PDE1A: variants seen among roughly 807,000 people sequenced by gnomAD.
PDE1A encodes dual specificity calcium/calmodulin-dependent 3',5'-cyclic nucleotide phosphodiesterase 1A.
A neutral mutation model predicts 61.7 loss-of-function variants in PDE1A; 35 were observed. That is an observed-to-expected ratio of 0.57 (90% CI 0.43 to 0.75). The LOEUF is 0.75. PDE1A is among the 30% of genes least tolerant of loss of function. The pLI is 0.00. For synonymous variants in PDE1A, 232 were observed against 213.2 expected (o/e 1.09, Z -0.77); for missense variants, 597 against 630.6 (o/e 0.95, Z 0.57).
chr2:182,447,379 C>A (rs924982970), intron 2 of PDE1A, among the ~76,000 whole-genome samples: 1 of 152,014 alleles, frequency 6.6e-6, no homozygotes, highest in Non-Finnish European at 1.5e-5. Flanking sequence ...CCTCTACTTC[C>A]CATTCTTGCC....
intron 7 of PDE1A, among the ~76,000 whole-genome samples, chr2:182,212,584 C>A (rs1049319596): frequency 1.3e-5 from 2 of 152,184 alleles, no homozygotes; most frequent in Non-Finnish European, 2.9e-5. Flanking sequence ...CGAAGCAGGG[C>A]GAGGCATTGC....
At chr2:182,221,620 A>G (rs1169328365) in intron 7 of PDE1A, among the ~76,000 whole-genome samples, 1 of 152,040 alleles carries the variant, frequency 6.6e-6, no homozygotes, top group African/African-American at 2.4e-5. Flanking sequence ...AGGGACAGAC[A>G]GAATGCCCTC....
Position 182,353,157 on chromosome 2 carries a change from A to G in PDE1A, c.53+73421T>C, listed in dbSNP as rs192845765. Among the ~76,000 whole-genome samples, 12 of 152,326 alleles carry G rather than the reference A, an allele frequency of 7.9e-5. No homozygotes were observed. In the East Asian group the frequency reaches 2.3e-3, roughly 29 times the overall value. Reference sequence around the variant, plus strand: ...CAGACACTTGCTCATGGCAAAGTAGACAGGCCCAGTAAGTGAAATTATGTT... The same window carrying G: ...CAGACACTTGCTCATGGCAAAGTAGGCAGGCCCAGTAAGTGAAATTATGTT... On this transcript the variant is annotated intron_variant, in intron 1 of 13. Transcript: ENST00000351439.
chr2:182,566,269 A>G, the PDE1A span, among the ~76,000 whole-genome samples: 49 of 152,072 alleles, frequency 3.2e-4, no homozygotes, highest in Middle Eastern at 0.01. Context: ...AAATCAATTC[A>G]TTTCCCATAT....
chr2:182,198,754 T>G (rs1276980918), intron 10 of PDE1A, among the ~76,000 whole-genome samples: 2 of 151,892 alleles, frequency 1.3e-5, no homozygotes, highest in African/African-American at 4.8e-5. Context: ...TCTCTTTCAG[T>G]TTTATGGCAG....
At chr2:182,298,437 A>G (rs1695030115) in intron 1 of PDE1A, among the ~76,000 whole-genome samples, 1 of 152,270 alleles carries the variant, frequency 6.6e-6, no homozygotes, top group Middle Eastern at 3.4e-3. Context: ...AGTAAGTCCT[A>G]TATGGTGAAG....
At chr2:182,695,086 T>C in the PDE1A span, among the ~76,000 whole-genome samples, 1 of 152,142 alleles carries the variant, frequency 6.6e-6, no homozygotes, top group African/African-American at 2.4e-5. Context: ...TTCCTATTGT[T>C]TTCTTTGAAA....
At chr2:182,609,679 G>A in the PDE1A span, among the ~76,000 whole-genome samples, 1 of 152,234 alleles carries the variant, frequency 6.6e-6, no homozygotes, top group Non-Finnish European at 1.5e-5. Context: ...TTTAAGAACT[G>A]TAACACTCAC....
At chr2:182,689,658 A>C in the PDE1A span, among the ~76,000 whole-genome samples, 2 of 152,240 alleles carry the variant, frequency 1.3e-5, no homozygotes, top group Non-Finnish European at 2.9e-5. Flanking sequence ...AGTTAGCAGA[A>C]GGCAAGAAAT....
the PDE1A span, among the ~76,000 whole-genome samples, chr2:182,561,325 T>C: frequency 6.6e-6 from 1 of 152,146 alleles, no homozygotes; most frequent in Non-Finnish European, 1.5e-5. Context: ...CCTTTCCCCA[T>C]TGCTTGTTTT....
the PDE1A span, among the ~76,000 whole-genome samples, chr2:182,565,525 G>C: frequency 6.6e-6 from 1 of 152,128 alleles, no homozygotes; most frequent in Non-Finnish European, 1.5e-5. Context: ...ACTTGAGGAG[G>C]CAGTCTGCCC....
chr2:182,676,657 A>T, the PDE1A span, among the ~76,000 whole-genome samples: 1 of 152,194 alleles, frequency 6.6e-6, no homozygotes, highest in Admixed American at 6.5e-5. Context: ...TTGATATAAA[A>T]ATCATCAATA....
intron 1 of PDE1A, among the ~76,000 whole-genome samples, chr2:182,307,884 G>T (rs2577659): frequency 0.26 from 39,080 of 151,966 alleles, 5,054 homozygotes; most frequent in Middle Eastern, 0.41. Flanking sequence ...AATTACAAAA[G>T]AGATGAAAGA....
At chr2:182,180,571 G>C (rs1574588466) in intron 13 of PDE1A, among the ~76,000 whole-genome samples, 1 of 152,182 alleles carries the variant, frequency 6.6e-6, no homozygotes, top group East Asian at 1.9e-4. Context: ...TCCTGGCGTT[G>C]ATCTTCTCAT....
intron 2 of PDE1A, among the ~76,000 whole-genome samples, chr2:182,501,828 G>T (rs1689099531): frequency 6.6e-6 from 1 of 152,062 alleles, no homozygotes; most frequent in South Asian, 2.1e-4. Flanking sequence ...TTAACACCCT[G>T]TCCTTTAAAG....
intron 1 of PDE1A, among the ~76,000 whole-genome samples, chr2:182,332,201 A>G (rs1013604266): frequency 1.3e-5 from 2 of 152,082 alleles, no homozygotes; most frequent in Admixed American, 6.5e-5. Context: ...CAGCTCCATC[A>G]GGTCTTTTAT....
chr2:182,503,264 ATCC>A (rs1264052755), intron 2 of PDE1A, among the ~76,000 whole-genome samples: 4 of 152,240 alleles, frequency 2.6e-5, no homozygotes, highest in South Asian at 2.1e-4. Flanking sequence ...CTTGTGACAC[ATCC>A]TCCTATTTTT....
At chr2:182,367,934 C>T (rs186637757) in intron 1 of PDE1A, among the ~76,000 whole-genome samples, 303 of 152,018 alleles carry the variant, frequency 2.0e-3, no homozygotes, top group African/African-American at 6.8e-3. Flanking sequence ...TAAATATATA[C>T]CCATGAAACC....
At chr2:182,412,879 G>A (rs1196828421) in intron 1 of PDE1A, among the ~76,000 whole-genome samples, 1 of 152,108 alleles carries the variant, frequency 6.6e-6, no homozygotes, top group East Asian at 1.9e-4. Context: ...CAGAAATTCA[G>A]AGCTACAAAT....
Sources: gnomAD v4.1 joint callset for allele counts (sites outside exome capture counted in the v4.1 genomes callset) on GRCh38, gnomAD v4.1.1 for gene constraint, MANE v1.5 for transcripts, NCBI Gene and HGNC (gene_info 2026-07-23, HGNC 2026-07-21) for gene names.